Variants in CTNND2 observed in about 807,000 individuals in gnomAD.
CTNND2 encodes the protein catenin delta-2.
CTNND2 carries 22 observed loss-of-function variants against 144.4 expected under a neutral mutation model. The observed-to-expected ratio is 0.15, with a 90% CI of 0.11 to 0.22. The LOEUF (loss-of-function observed/expected upper bound fraction) is 0.22, where lower values mean the gene tolerates loss of function less well. Among genes scored for constraint, CTNND2 ranks in the 10% least tolerant of loss-of-function variants. CTNND2 has a pLI of 1.00. For synonymous variants in CTNND2, 751 were observed against 695.6 expected (o/e 1.08, Z -1.25); for missense variants, 1,353 against 1,618.8 (o/e 0.84, Z 2.82).
chr5:11,255,379 G>C (rs894090861), intron 9 of CTNND2, among the ~76,000 whole-genome samples: 1 of 152,138 alleles, frequency 6.6e-6, no homozygotes, highest in African/African-American at 2.4e-5. Flanking sequence ...TTTGCACAGA[G>C]GCCGACTAGA....
chr5:11,032,236 A>T (rs1743554560), intron 16 of CTNND2, among the ~76,000 whole-genome samples: 1 of 152,136 alleles, frequency 6.6e-6, no homozygotes, highest in Non-Finnish European at 1.5e-5. Context: ...TGAGGAGCTG[A>T]TTTCCATGTG....
At chr5:11,865,295 A>G (rs1350340908) in intron 1 of CTNND2, among the ~76,000 whole-genome samples, 1 of 152,198 alleles carries the variant, frequency 6.6e-6, no homozygotes, top group East Asian at 1.9e-4. Flanking sequence ...CAGAACTAGG[A>G]CTATATTGCT....
At chr5:11,231,784 A>C (rs565066874) in intron 10 of CTNND2, among the ~76,000 whole-genome samples, 1 of 152,244 alleles carries the variant, frequency 6.6e-6, no homozygotes, top group Admixed American at 6.5e-5. Flanking sequence ...TCACCAAGAC[A>C]ATGGGAAAAA....
At chr5:11,565,651 G>A (rs1366321103) in intron 2 of CTNND2, among the ~76,000 whole-genome samples, 1 of 152,170 alleles carries the variant, frequency 6.6e-6, no homozygotes, top group Non-Finnish European at 1.5e-5. Flanking sequence ...TAACCTTTGA[G>A]ATATTTGATA....
intron 11 of CTNND2, among the ~76,000 whole-genome samples, chr5:11,162,884 T>TACACACAC (rs34257746): frequency 0.021 from 3,094 of 147,864 alleles, 100 homozygotes; most frequent in African/African-American, 0.073. Context: ...TCTTTCCTGC[T>TACACACAC]ACACACACAC....
chr5:11,611,847 C>T (rs1780344311), intron 2 of CTNND2, among the ~76,000 whole-genome samples: 1 of 152,158 alleles, frequency 6.6e-6, no homozygotes, highest in Non-Finnish European at 1.5e-5. Context: ...CTAGATATTT[C>T]CTTCTCTTCT....
chr5:11,299,386 G>C (rs1457997054), intron 9 of CTNND2, among the ~76,000 whole-genome samples: 3 of 152,122 alleles, frequency 2.0e-5, no homozygotes, highest in Non-Finnish European at 2.9e-5. Flanking sequence ...CAAACTCTTA[G>C]AAGAGTCTCA....
intron 2 of CTNND2, among the ~76,000 whole-genome samples, chr5:11,619,083 A>G (rs1486705403): frequency 1.3e-5 from 2 of 152,190 alleles, no homozygotes; most frequent in Admixed American, 1.3e-4. Context: ...TGCACTAAAA[A>G]CATAAAAGTC....
intron 1 of CTNND2, among the ~76,000 whole-genome samples, chr5:11,812,799 A>G (rs957048071): frequency 6.6e-6 from 1 of 152,178 alleles, no homozygotes; most frequent in African/African-American, 2.4e-5. Flanking sequence ...AGGAGAGGAC[A>G]CAGTGCTGGG....
At chr5:11,634,099 C>T (rs1034803628) in intron 2 of CTNND2, among the ~76,000 whole-genome samples, 1 of 152,184 alleles carries the variant, frequency 6.6e-6, no homozygotes, top group South Asian at 2.1e-4. Context: ...TTTCACCTAT[C>T]CTTTTCCCCA....
At chr5:11,245,041 T>C (rs997803338) in intron 9 of CTNND2, among the ~76,000 whole-genome samples, 1 of 152,190 alleles carries the variant, frequency 6.6e-6, no homozygotes, top group Admixed American at 6.5e-5. Context: ...AATTCAAATG[T>C]TATAAACACA....
chr5:11,053,042 G>T (rs538175069), intron 16 of CTNND2, among the ~76,000 whole-genome samples: 8 of 152,084 alleles, frequency 5.3e-5, no homozygotes, highest in Non-Finnish European at 1.0e-4. Flanking sequence ...CTTAATGTAG[G>T]CAATTTACTG....
At chr5:10,976,250 C>T (rs1054753986) in intron 21 of CTNND2, among the ~76,000 whole-genome samples, 5 of 152,164 alleles carry the variant, frequency 3.3e-5, no homozygotes, top group African/African-American at 4.8e-5. Flanking sequence ...TGGTGAAACA[C>T]ATCCACAGTG....
intron 1 of CTNND2, among the ~76,000 whole-genome samples, chr5:11,897,597 A>G (rs1737497513): frequency 6.6e-6 from 1 of 152,204 alleles, no homozygotes; most frequent in African/African-American, 2.4e-5. Context: ...AATTATTGGC[A>G]GTTAAAGAAT....
chr5:11,536,690 A>G (rs1387282527), intron 3 of CTNND2, among the ~76,000 whole-genome samples: 1 of 152,070 alleles, frequency 6.6e-6, no homozygotes, highest in Non-Finnish European at 1.5e-5. Context: ...ATTCAAAGGC[A>G]TAAGAATAAT....
chr5:11,492,494 T>C (rs927528666), intron 3 of CTNND2, among the ~76,000 whole-genome samples: 3 of 115,874 alleles, frequency 2.6e-5, no homozygotes, highest in Non-Finnish European at 5.2e-5. Context: ...TCTACAGCTA[T>C]ATATATATAT....
chr5:11,376,495 A>G (rs181808098), intron 7 of CTNND2, among the ~76,000 whole-genome samples: 121 of 152,324 alleles, frequency 7.9e-4, no homozygotes, highest in Non-Finnish European at 1.4e-3. Flanking sequence ...AAATCCAGTG[A>G]CAGCTTCTTT....
At chr5:11,684,450 C>T (rs889240222) in intron 2 of CTNND2, among the ~76,000 whole-genome samples, 22 of 151,706 alleles carry the variant, frequency 1.5e-4, no homozygotes, top group African/African-American at 5.4e-4. Flanking sequence ...TTTAATGAGA[C>T]ATATTTTAAA....
At chr5:11,242,712 G>A (rs574615830) in intron 9 of CTNND2, among the ~76,000 whole-genome samples, 1 of 152,248 alleles carries the variant, frequency 6.6e-6, no homozygotes, top group Non-Finnish European at 1.5e-5. Flanking sequence ...TGTTGAGCAA[G>A]GATGTTGTAA....
Sources: allele counts gnomAD v4.1 joint callset (sites outside exome capture counted in the v4.1 genomes callset), GRCh38; gene constraint gnomAD v4.1.1; transcripts MANE v1.5; gene names NCBI Gene and HGNC (gene_info 2026-07-23, HGNC 2026-07-21).